CREB5: variants seen among roughly 807,000 people sequenced by gnomAD.
The protein encoded by CREB5 is cyclic AMP-responsive element-binding protein 5.
Under a neutral mutation model 57.1 loss-of-function variants are expected in CREB5, and 19 were observed. That is an observed-to-expected ratio of 0.33 (90% CI 0.23 to 0.49). The LOEUF (loss-of-function observed/expected upper bound fraction) is 0.49, where lower values mean the gene tolerates loss of function less well. Among genes scored for constraint, CREB5 ranks in the 20% least tolerant of loss-of-function variants. The probability of loss-of-function intolerance (pLI) is 0.99; values close to 1 mark genes in which losing one functional copy is unlikely to be tolerated. For synonymous variants in CREB5, 238 were observed against 238.3 expected (o/e 1.00, Z 0.01); for missense variants, 579 against 671.6 (o/e 0.86, Z 1.52).
At chr7:28,619,096 T>G (rs185416062) in intron 5 of CREB5, among the ~76,000 whole-genome samples, 5 of 152,344 alleles carry the variant, frequency 3.3e-5, no homozygotes, top group African/African-American at 1.2e-4. Context: ...TTCTAAACAC[T>G]TTAGATTTAA....
At chr7:28,702,526 T>A (rs552853748) in intron 5 of CREB5, among the ~76,000 whole-genome samples, 17 of 152,334 alleles carry the variant, frequency 1.1e-4, no homozygotes, top group Non-Finnish European at 2.1e-4. Context: ...CCTTTCCAAC[T>A]ATGTTATGAT....
chr7:28,341,593 G>A (rs780508275), intron 1 of CREB5, among the ~76,000 whole-genome samples: 1 of 152,170 alleles, frequency 6.6e-6, no homozygotes, highest in Non-Finnish European at 1.5e-5. Flanking sequence ...CTTGGCTCAT[G>A]TAGGAAGGGG....
chr7:28,804,079 AC>A, intron 7 of CREB5, 119 bp from the exon 8 acceptor site: 1 of 868,410 alleles, frequency 1.2e-6, no homozygotes, highest in South Asian at 1.7e-5. Context: ...CTGGTAGGAA[AC>A]ATTAACAATA....
Position 28,734,699 on chromosome 7 carries a change from C to T in CREB5, c.702+10367C>T, listed in dbSNP as rs868495002. ...AGGTCAAAGGGAATAAACATTATAA[C>T]GCTTCCAAATTTCTTAAAATTTATA... On this transcript the variant is annotated intron_variant, in intron 7 of 10. Transcript: ENST00000357727. 6.7e-4 allele frequency among the ~76,000 whole-genome samples: 102 copies of T among 152,220 alleles called. 1 individual carries two copies. The highest frequency in any genetic ancestry group is 6.8e-3 in the Middle Eastern group (2 of 294).
chr7:28,581,358 G>A (rs1229248135), intron 5 of CREB5, among the ~76,000 whole-genome samples: 1 of 152,164 alleles, frequency 6.6e-6, no homozygotes, highest in Non-Finnish European at 1.5e-5. Flanking sequence ...TTTAACCAGC[G>A]GAGTGTTCAC....
At chr7:28,307,956 G>T (rs1461992442) in intron 1 of CREB5, among the ~76,000 whole-genome samples, 1 of 152,170 alleles carries the variant, frequency 6.6e-6, no homozygotes, top group Non-Finnish European at 1.5e-5. Flanking sequence ...AGATAAGCAG[G>T]GCAGCGCCCA....
chr7:28,383,106 T>A (rs1012192697), intron 1 of CREB5, among the ~76,000 whole-genome samples: 3 of 152,160 alleles, frequency 2.0e-5, no homozygotes, highest in African/African-American at 7.2e-5. Flanking sequence ...TTCTACAGAA[T>A]GAAGCCAAGT....
chr7:28,511,063 C>G (rs903891137), intron 4 of CREB5, among the ~76,000 whole-genome samples: 2 of 151,572 alleles, frequency 1.3e-5, no homozygotes, highest in Admixed American at 1.3e-4. Flanking sequence ...AAAAAACAAA[C>G]AAAAATACCT....
chr7:28,617,351 G>C (rs1230156604), intron 5 of CREB5, among the ~76,000 whole-genome samples: 1 of 152,222 alleles, frequency 6.6e-6, no homozygotes, highest in Non-Finnish European at 1.5e-5. Flanking sequence ...ACACAGGTCA[G>C]AAGTATGAGG....
intron 5 of CREB5, among the ~76,000 whole-genome samples, chr7:28,676,732 C>A (rs778392559): frequency 6.6e-6 from 1 of 152,154 alleles, no homozygotes; most frequent in Non-Finnish European, 1.5e-5. Context: ...ATGCCAGAGT[C>A]GTGGTAGATG....
chr7:28,390,097 G>A (rs1399804864), intron 1 of CREB5, among the ~76,000 whole-genome samples: 1 of 151,890 alleles, frequency 6.6e-6, no homozygotes, highest in Non-Finnish European at 1.5e-5. Flanking sequence ...AAGACAGAGG[G>A]CAAAGAGGAT....
At chr7:28,405,318 G>A (rs1196499315) in intron 1 of CREB5, among the ~76,000 whole-genome samples, 1 of 152,176 alleles carries the variant, frequency 6.6e-6, no homozygotes, top group East Asian at 1.9e-4. Context: ...TTTGGAAGTG[G>A]GAAAAGGTCA....
At chr7:28,715,417 T>A (rs184817742) in intron 5 of CREB5, among the ~76,000 whole-genome samples, 1 of 152,324 alleles carries the variant, frequency 6.6e-6, no homozygotes, top group Non-Finnish European at 1.5e-5. Context: ...GACAATAAAA[T>A]GCCTTTAAAA....
intron 1 of CREB5, among the ~76,000 whole-genome samples, chr7:28,480,256 C>T (rs1348284545): frequency 2.0e-5 from 3 of 152,040 alleles, no homozygotes; most frequent in Non-Finnish European, 4.4e-5. Context: ...TGTAGTAGGG[C>T]ACAAAGGGAG....
At chr7:28,328,557 A>G (rs1423871693) in intron 1 of CREB5, among the ~76,000 whole-genome samples, 1 of 152,192 alleles carries the variant, frequency 6.6e-6, no homozygotes, top group African/African-American at 2.4e-5. Context: ...AGGCTTTTAA[A>G]TGCTTATTCT....
intron 6 of CREB5, among the ~76,000 whole-genome samples, chr7:28,720,148 CTCT>C (rs1415533348): frequency 2.0e-5 from 3 of 152,190 alleles, no homozygotes; most frequent in African/African-American, 7.2e-5. Flanking sequence ...TTGCATGGAC[CTCT>C]TCTTCATCCT....
At chr7:28,658,227 C>T (rs563234657) in intron 5 of CREB5, among the ~76,000 whole-genome samples, 2 of 152,158 alleles carry the variant, frequency 1.3e-5, no homozygotes, top group South Asian at 4.2e-4. Flanking sequence ...CATGCACGCC[C>T]CAGACTTGTT....
chr7:28,495,467 G>A (rs530176937), intron 3 of CREB5, among the ~76,000 whole-genome samples: 4 of 151,928 alleles, frequency 2.6e-5, no homozygotes, highest in African/African-American at 7.3e-5. Context: ...GCTTGGACCC[G>A]GGAGGGGGAG....
chr7:28,640,787 C>T (rs1165389753), intron 5 of CREB5, among the ~76,000 whole-genome samples: 1 of 152,104 alleles, frequency 6.6e-6, no homozygotes, highest in Non-Finnish European at 1.5e-5. Flanking sequence ...CTACCTAGTT[C>T]CCCAGATCGA....
Sources: gnomAD v4.1 joint callset for allele counts (sites outside exome capture counted in the v4.1 genomes callset) on GRCh38, gnomAD v4.1.1 for gene constraint, MANE v1.5 for transcripts, NCBI Gene and HGNC (gene_info 2026-07-23, HGNC 2026-07-21) for gene names.